Variants in DOCK4 observed in about 807,000 individuals in gnomAD.
The protein encoded by DOCK4 is dedicator of cytokinesis 4, also known as dedicator of cytokinesis protein 4.
DOCK4 carries 97 observed loss-of-function variants against 268.1 expected under a neutral mutation model. The observed-to-expected ratio is 0.36, with a 90% CI of 0.31 to 0.43. The LOEUF (loss-of-function observed/expected upper bound fraction) is 0.43, where lower values mean the gene tolerates loss of function less well. Among genes scored for constraint, DOCK4 ranks in the 20% least tolerant of loss-of-function variants. DOCK4 has a pLI of 1.00. For synonymous variants in DOCK4, 954 were observed against 887.2 expected (o/e 1.08, Z -1.34); for missense variants, 2,145 against 2,455.7 (o/e 0.87, Z 2.67).
Position 111,744,916 on chromosome 7 carries a change from C to T in DOCK4, c.4677+1418G>A, listed in dbSNP as rs188614961. Among the ~76,000 whole-genome samples, 260 of 152,334 alleles carry T rather than the reference C, an allele frequency of 1.7e-3. 3 individuals are homozygous for T. Among genetic ancestry groups the T allele is most frequent in the African/African-American group, 5.8e-3 (242 of 41,572 alleles). ...ATAAAAGATGGATGAAAACCAGACA[C>T]GACCTCATTTTCTAATCCAAAGAGC... On this transcript the variant is annotated intron_variant, in intron 44 of 52. Transcript: ENST00000428084.
At chr7:111,865,792 T>A (rs1257499395) in intron 22 of DOCK4, among the ~76,000 whole-genome samples, 1 of 152,220 alleles carries the variant, frequency 6.6e-6, no homozygotes, top group Admixed American at 6.5e-5. Context: ...GGATCTGACA[T>A]ATTGTTGCTG....
chr7:112,129,578 A>G (rs1813606059), intron 1 of DOCK4, among the ~76,000 whole-genome samples: 1 of 152,196 alleles, frequency 6.6e-6, no homozygotes, highest in African/African-American at 2.4e-5. Flanking sequence ...ACAATGTACC[A>G]ATTTTAATAA....
chr7:111,764,185 A>G (rs1449876454), intron 39 of DOCK4, among the ~76,000 whole-genome samples: 1 of 152,202 alleles, frequency 6.6e-6, no homozygotes, highest in Non-Finnish European at 1.5e-5. Flanking sequence ...ACGTGATACT[A>G]AAATGAACCT....
At position 111,902,759 on chromosome 7, in the gene DOCK4, TTTTTC is replaced by T. The variant is rs566853223; in HGVS notation, c.1193-963_1193-959del. On this transcript the variant is annotated intron_variant, in intron 13 of 52. Coordinates refer to ENST00000428084, the MANE Select transcript of DOCK4 (RefSeq NM_001363540.2). Reference sequence around the variant, plus strand: ...AAAATCAAAAGTAATACTGTTTTCTTTTTTCTTTTCTTTTTTTTTTGAGAAAAAAA... The same window carrying T: ...AAAATCAAAAGTAATACTGTTTTCTTTTTTCTTTTTTTTTTGAGAAAAAAA... 4.3e-3 allele frequency among the ~76,000 whole-genome samples: 658 copies of T among 152,196 alleles called. 6 individuals are homozygous for T. Among genetic ancestry groups the T allele is most frequent in the African/African-American group, 0.015 (628 of 41,514 alleles).
intron 7 of DOCK4, among the ~76,000 whole-genome samples, chr7:111,979,498 G>A (rs1170764627): frequency 7.4e-6 from 1 of 134,812 alleles, no homozygotes; most frequent in African/African-American, 2.8e-5. Flanking sequence ...TTTTTTTACT[G>A]TGGCAAAAGT....
At chr7:111,874,468 C>T (rs982469905) in intron 17 of DOCK4, among the ~76,000 whole-genome samples, 2 of 152,106 alleles carry the variant, frequency 1.3e-5, no homozygotes, top group African/African-American at 4.8e-5. Flanking sequence ...GCTGATGAAT[C>T]TCTACACTGC....
chr7:111,950,735 G>A lies in DOCK4; in HGVS notation c.702-4937C>T, dbSNP rs924856273. 2.0e-5 allele frequency among the ~76,000 whole-genome samples: 3 copies of A among 152,138 alleles called. No homozygotes were observed. In the South Asian group the frequency reaches 6.2e-4, roughly 32 times the overall value. On this transcript the variant is annotated intron_variant, in intron 8 of 52. Coordinates refer to ENST00000428084, the MANE Select transcript of DOCK4 (RefSeq NM_001363540.2). The stretch of plus-strand genomic sequence containing the variant: ...GATATTTCAATCCATGATGCCTCAC[G>A]ACCTGACTCGAGATTCTCATATTAA...
In DOCK4 at chr7:111,769,619, G is replaced by C; in HGVS notation, c.3738C>G (p.Leu1246=). 6.2e-7 allele frequency: 1 copy of C among 1,613,872 alleles called. No homozygotes were observed. Among genetic ancestry groups the C allele is most frequent in the Non-Finnish European group, 8.5e-7 (1 of 1,179,836 alleles). Residue 1246 remains leucine, a synonymous_variant, in exon 37 of 53, where the codon CTC becomes CTG. Transcript: ENST00000428084. ...GCATGGGGTAGGTCAGGAACTCCCT[G>C]AGGGGCCGATCAGACCATTCCAGTA... ...DELLEWSDRP[L]REFLTYPMQT...
At chr7:111,986,544 A>G (rs536779071) in intron 6 of DOCK4, among the ~76,000 whole-genome samples, 3 of 152,256 alleles carry the variant, frequency 2.0e-5, no homozygotes, top group South Asian at 2.1e-4. Flanking sequence ...GCAAGTAGGG[A>G]AGAGAGAGGA....
intron 1 of DOCK4, among the ~76,000 whole-genome samples, chr7:112,039,867 T>C (rs561531376): frequency 2.0e-5 from 3 of 152,218 alleles, no homozygotes; most frequent in Non-Finnish European, 2.9e-5. Context: ...AAATTATTCC[T>C]ATAACTTTCA....
chr7:111,918,745 T>C (rs1792839696), intron 12 of DOCK4, among the ~76,000 whole-genome samples: 1 of 152,210 alleles, frequency 6.6e-6, no homozygotes, highest in Non-Finnish European at 1.5e-5. Context: ...GGAATACTAG[T>C]GTTTGCCAGA....
chr7:111,887,837 G>C (rs1807978119), intron 16 of DOCK4, among the ~76,000 whole-genome samples: 1 of 151,778 alleles, frequency 6.6e-6, no homozygotes, highest in African/African-American at 2.4e-5. Context: ...GAGGAAGAGA[G>C]AGGACATTGG....
In DOCK4 at chr7:111,994,877, C is replaced by G. The variant is rs149011567; in HGVS notation, c.219-646G>C. ...TTTGAATATTCGTTCCAAAATGTTC[C>G]TCTTTCTGATTAGAGTAACGTAGTC... On this transcript the variant is annotated intron_variant, in intron 4 of 52. Transcript: ENST00000428084. 5.3e-3 allele frequency among the ~76,000 whole-genome samples: 812 copies of G among 152,106 alleles called. 5 individuals carry two copies. Among genetic ancestry groups the G allele is most frequent in the African/African-American group, 0.018 (760 of 41,470 alleles).
At chr7:112,014,707 T>C (rs897117940) in intron 1 of DOCK4, among the ~76,000 whole-genome samples, 1 of 152,226 alleles carries the variant, frequency 6.6e-6, no homozygotes. Flanking sequence ...TGCCTTTTTT[T>C]AACTTTTAAT....
rs1035650705 is a variant in DOCK4, at chr7:111,808,866, G to T, written c.3121C>A (p.Arg1041=). 2.0e-5 allele frequency: 33 copies of T among 1,612,668 alleles called. No individual in the cohort carries two copies. Among genetic ancestry groups the T allele is most frequent in the Non-Finnish European group, 2.6e-5 (31 of 1,179,458 alleles). ...AAAATTTCACAACCCATTGTTACCC[G>T]CATGTCACCATACCTGAAATAGAAC... ...KKVLEKYGDM[R]VTMGCEIFSM... The change falls in exon 30 of 53, where the codon CGG becomes AGG. Residue 1041 remains arginine (R), a synonymous_variant. Coordinates refer to ENST00000428084, the MANE Select transcript of DOCK4 (RefSeq NM_001363540.2).
chr7:112,135,485 G>A (rs1814244978), intron 1 of DOCK4, among the ~76,000 whole-genome samples: 1 of 151,994 alleles, frequency 6.6e-6, no homozygotes, highest in South Asian at 2.1e-4. Flanking sequence ...CCCAATTATA[G>A]TCTAACTTAT....
chr7:112,040,364 C>T (rs1005087492), intron 1 of DOCK4, among the ~76,000 whole-genome samples: 10 of 152,102 alleles, frequency 6.6e-5, no homozygotes, highest in Non-Finnish European at 1.5e-4. Context: ...AATCATTCTG[C>T]CCCAAACAGA....
chr7:111,783,843 G>A lies in DOCK4; in HGVS notation c.3524+14C>T. 1 of 1,586,116 alleles carries A rather than the reference G, an allele frequency of 6.3e-7. No individual in the cohort carries two copies. The highest frequency in any genetic ancestry group is 8.6e-7 in the Non-Finnish European group (1 of 1,164,738). On this transcript the variant is annotated intron_variant, in intron 34 of 52. Transcript: ENST00000428084. ...CATGAACTGGAGTTCAGAAAAACAT[G>A]CGACTTGGCTTACCTGTAATCTAAC...
intron 44 of DOCK4, among the ~76,000 whole-genome samples, chr7:111,743,522 AG>A (rs1239644055): frequency 2.0e-5 from 3 of 152,154 alleles, no homozygotes; most frequent in Admixed American, 2.0e-4. Context: ...ATCTGTGATG[AG>A]GACATGGAAG....
Sources: allele counts gnomAD v4.1 joint callset (sites outside exome capture counted in the v4.1 genomes callset), GRCh38; gene constraint gnomAD v4.1.1; transcripts MANE v1.5; gene names NCBI Gene and HGNC (gene_info 2026-07-23, HGNC 2026-07-21).